NCAPD3: variants seen among roughly 807,000 people sequenced by gnomAD.
The protein encoded by NCAPD3 is condensin-2 complex subunit D3.
NCAPD3 carries 105 observed loss-of-function variants against 182.9 expected under a neutral mutation model. The ratio of observed to expected loss-of-function variants is 0.57; its 90% confidence interval spans 0.49 to 0.68. The LOEUF is 0.68. Among genes scored for constraint, NCAPD3 ranks in the 30% least tolerant of loss-of-function variants. NCAPD3 has a pLI of 0.00. For synonymous variants in NCAPD3, 815 were observed against 679.9 expected (o/e 1.20, Z -3.09); for missense variants, 1,944 against 1,837.0 (o/e 1.06, Z -1.07).
At chr11:134,177,485 A>C (rs776163698) in intron 22 of NCAPD3, 28 bp from the exon 23 acceptor site, 60 of 1,572,272 alleles carry the variant, frequency 3.8e-5, no homozygotes, top group Non-Finnish European at 4.9e-5. Context: ...AAGATGTCTC[A>C]ACTGTATTCT....
intron 13 of NCAPD3, among the ~76,000 whole-genome samples, chr11:134,197,673 C>G (rs879408430): frequency 6.6e-6 from 1 of 152,150 alleles, no homozygotes; most frequent in Non-Finnish European, 1.5e-5. Flanking sequence ...TACCAGCAAA[C>G]CAAATCCAGC....
At chr11:134,201,257 C>T (rs527738431) in intron 13 of NCAPD3, among the ~76,000 whole-genome samples, 2 of 152,002 alleles carry the variant, frequency 1.3e-5, no homozygotes, top group South Asian at 4.2e-4. Context: ...CTCCTGACCT[C>T]GTGATCCTCC....
intron 19 of NCAPD3, among the ~76,000 whole-genome samples, chr11:134,181,656 T>C (rs1479632923): frequency 2.0e-5 from 3 of 152,286 alleles, no homozygotes; most frequent in South Asian, 2.1e-4. Context: ...TGTCTCTCAC[T>C]GATTACAATA....
intron 28 of NCAPD3, among the ~76,000 whole-genome samples, chr11:134,160,573 C>A (rs1943549203): frequency 6.6e-6 from 1 of 152,144 alleles, no homozygotes; most frequent in Non-Finnish European, 1.5e-5. Context: ...GGCTCAAATC[C>A]CATCTTTGTG....
intron 8 of NCAPD3, among the ~76,000 whole-genome samples, chr11:134,205,966 G>C (rs1937603227): frequency 6.6e-6 from 1 of 152,032 alleles, no homozygotes; most frequent in South Asian, 2.1e-4. Flanking sequence ...CCATGTCTCG[G>C]CACCACCTCC....
chr11:134,212,271 T>A (rs538790199), intron 3 of NCAPD3, among the ~76,000 whole-genome samples: 2 of 152,202 alleles, frequency 1.3e-5, no homozygotes, highest in African/African-American at 2.4e-5. Flanking sequence ...TTCTAAAAAA[T>A]TCTATAAAAG....
chr11:134,153,018 G>A lies in NCAPD3; in HGVS notation c.4423C>T (p.Pro1475Ser). ...GCTGGAGTGTCTTTATTCCTGGCGG[G>A]AGACCGCACATTCCACTGCTGAGGC... ...PQPQQWNVRS[P>S]ARNKDTPACS... is the part of the protein sequence containing the mutation. The change falls in exon 35 of 35, where the codon CCC (proline) becomes TCC (serine). Residue 1475 changes from proline (P) to serine (S), a missense_variant. Pro to Ser is a moderately conservative substitution (Grantham distance 74). Transcript: ENST00000534548. 6 of 1,593,590 alleles carry A rather than the reference G, an allele frequency of 3.8e-6. No individual in the cohort carries two copies. Among genetic ancestry groups the A allele is most frequent in the South Asian group, 3.4e-5 (3 of 88,360 alleles).
chr11:134,161,297 G>A (rs1049567730), intron 28 of NCAPD3, among the ~76,000 whole-genome samples: 3 of 152,202 alleles, frequency 2.0e-5, no homozygotes, highest in Non-Finnish European at 2.9e-5. Context: ...CTCCGACTGA[G>A]CTCCTCATGG....
At chr11:134,222,157 T>A (rs2010438) in intron 1 of NCAPD3, among the ~76,000 whole-genome samples, 104,499 of 152,086 alleles carry the variant, frequency 0.69, 37,540 homozygotes, top group African/African-American at 0.91. Context: ...ACTGAGTTAG[T>A]CTTTTTCCCT....
At chr11:134,201,761 A>G (rs1944754519) in intron 13 of NCAPD3, among the ~76,000 whole-genome samples, 1 of 152,244 alleles carries the variant, frequency 6.6e-6, no homozygotes, top group African/African-American at 2.4e-5. Context: ...GTTTAGACGA[A>G]GTCTGGAGCC....
chr11:134,214,942 T>C (rs1367174889), intron 3 of NCAPD3, among the ~76,000 whole-genome samples: 1 of 152,210 alleles, frequency 6.6e-6, no homozygotes, highest in Admixed American at 6.5e-5. Context: ...ATATCCCTTA[T>C]GAATATAGAC....
At chr11:134,184,316 G>C (rs1020164012) in intron 19 of NCAPD3, among the ~76,000 whole-genome samples, 6 of 152,260 alleles carry the variant, frequency 3.9e-5, no homozygotes, top group Admixed American at 3.9e-4. Flanking sequence ...CTTGGAATGA[G>C]AGTGGAAGTC....
At chr11:134,219,094 C>A (rs1288889919) in intron 2 of NCAPD3, among the ~76,000 whole-genome samples, 1 of 152,188 alleles carries the variant, frequency 6.6e-6, no homozygotes, top group Admixed American at 6.5e-5. Context: ...TCTACCTTAC[C>A]ATCCCGTTCC....
chr11:134,213,698 T>G (rs1018119991), intron 3 of NCAPD3, among the ~76,000 whole-genome samples: 4 of 149,298 alleles, frequency 2.7e-5, no homozygotes, highest in African/African-American at 9.8e-5. Context: ...CCTTTAAATA[T>G]AAACATATGG....
chr11:134,168,146 T>A lies in NCAPD3; in HGVS notation c.3423A>T (p.Leu1141Phe), dbSNP rs777617520. The change falls in exon 27 of 35, where the codon TTA (leucine) becomes TTT (phenylalanine). Residue 1141 changes from leucine (L) to phenylalanine (F), a missense_variant. Around this residue, in one of 3 missense-constraint regions of NCAPD3, gnomAD observed 1,803 missense variants for 1,674.6 expected, o/e 1.08. Transcript: ENST00000534548. The part of the protein sequence containing the change: ...ILPLDLDASE[L>F]LSDTFEVLSS... ...TGAGGACCTCAAACGTGTCTGAGAG[T>A]AACTCACTGGCGTCCAGGTCCAGGG... 6.2e-7 allele frequency: 1 copy of A among 1,614,014 alleles called. No homozygotes were observed. The highest frequency in any genetic ancestry group is 1.7e-5 in the Admixed American group (1 of 60,004).
chr11:134,185,114 T>C, intron 17 of NCAPD3, 114 bp from the exon 18 acceptor site: 1 of 959,998 alleles, frequency 1.0e-6, no homozygotes, highest in Non-Finnish European at 1.7e-6. Context: ...TAGCATGGCT[T>C]AGGAGTCAAG....
chr11:134,168,550 T>C lies in NCAPD3; in HGVS notation c.3292A>G (p.Lys1098Glu), dbSNP rs376862903. 10 of 1,614,106 alleles carry C rather than the reference T, an allele frequency of 6.2e-6. No homozygotes were observed. The highest frequency in any genetic ancestry group is 8.5e-6 in the Non-Finnish European group (10 of 1,180,040). The change falls in exon 26 of 35, where the codon AAA becomes GAA. Residue 1098 changes from lysine to glutamate, a missense_variant. Transcript: ENST00000534548. Reference sequence around the variant, plus strand: ...TGCTCTAGAAGAAATTTGTAGATTTTCATTCGTCTCTCTTTGTTTGACTTT... The same window carrying C: ...TGCTCTAGAAGAAATTTGTAGATTTCCATTCGTCTCTCTTTGTTTGACTTT... ...KGKSNKERRM[K>E]IYKFLLEHFT...
In NCAPD3 at chr11:134,203,811, C is replaced by A. The variant is rs764027455; in HGVS notation, c.1311G>T (p.Lys437Asn). The change falls in exon 11 of 35, where the codon AAG becomes AAT. Residue 437 changes from lysine to asparagine, a missense_variant. Lys to Asn is a moderately conservative substitution (Grantham distance 94). Transcript: ENST00000534548. The part of the protein sequence containing the change: ...VDNTLSLEHQ[K>N]FLKHKFLVQE... ...GCACCAGGAACTTATGCTTTAAGAA[C>A]TTCTGATGCTCCAAGGAGAGGGTGT... The A allele has an allele frequency of 1.7e-5, 27 of 1,614,054 alleles. No homozygotes were observed. The highest frequency in any genetic ancestry group is 3.3e-5 in the Admixed American group (2 of 60,000).
At chr11:134,161,142 G>A (rs1591822003) in intron 28 of NCAPD3, among the ~76,000 whole-genome samples, 2 of 151,884 alleles carry the variant, frequency 1.3e-5, no homozygotes, top group South Asian at 2.1e-4. Context: ...TTTTTTTGAG[G>A]AAGAAAAACA....
Sources: allele counts gnomAD v4.1 joint callset (sites outside exome capture counted in the v4.1 genomes callset), GRCh38; gene constraint gnomAD v4.1.1; regional missense constraint gnomAD v4.1.1; transcripts MANE v1.5; gene names NCBI Gene and HGNC (gene_info 2026-07-23, HGNC 2026-07-21).